PLEKHM1: variants seen among roughly 807,000 people sequenced by gnomAD.
The protein encoded by PLEKHM1 is pleckstrin homology and RUN domain containing M1, also known as pleckstrin homology domain-containing family M member 1.
In PLEKHM1, 28 loss-of-function variants were observed where a neutral mutation model predicts 94.3. The ratio of observed to expected loss-of-function variants is 0.30; its 90% CI spans 0.22 to 0.41. The LOEUF is 0.41. Among genes scored for constraint, PLEKHM1 ranks in the 10% least tolerant of loss-of-function variants. The pLI, the probability that PLEKHM1 is intolerant of heterozygous loss-of-function variation, is 1.00. For missense variants in PLEKHM1, 907 were observed against 1,358.6 expected, an observed-to-expected ratio of 0.67 and a Z score of 5.22; for synonymous variants, 424 against 581.2, an observed-to-expected ratio of 0.73 and a Z score of 3.89.
intron 10 of PLEKHM1, 134 bp from the exon 11 acceptor site, chr17:45,439,768 CG>C (rs1256324654): frequency 2.5e-5 from 29 of 1,154,594 alleles, no homozygotes; most frequent in Admixed American, 3.8e-5. Context: ...TTCTACCCCC[CG>C]TTTCCACACG....
At chr17:45,458,093 C>G in intron 6 of PLEKHM1, 76 bp downstream of exon 6, 1 of 1,240,710 alleles carries the variant, frequency 8.1e-7, no homozygotes. Flanking sequence ...CAATGGAAAA[C>G]AGAACTTCAC....
intron 5 of PLEKHM1, among the ~76,000 whole-genome samples, chr17:45,458,916 T>C (rs1231664342): frequency 6.6e-6 from 1 of 151,524 alleles, no homozygotes; most frequent in Non-Finnish European, 1.5e-5. Flanking sequence ...GAGGATCACC[T>C]GAGCCCAGGA....
intron 2 of PLEKHM1, among the ~76,000 whole-genome samples, chr17:45,481,997 G>A (rs2051968695): frequency 6.6e-6 from 1 of 152,044 alleles, no homozygotes; most frequent in Non-Finnish European, 1.5e-5. Context: ...GTCCTAGGGG[G>A]CTCCAGTGAA....
At chr17:45,451,434 T>C (rs926546890) in intron 7 of PLEKHM1, among the ~76,000 whole-genome samples, 5 of 152,258 alleles carry the variant, frequency 3.3e-5, no homozygotes, top group African/African-American at 1.2e-4. Flanking sequence ...ACTCAAACCC[T>C]GAACATGTGC....
intron 6 of PLEKHM1, among the ~76,000 whole-genome samples, chr17:45,455,257 G>A (rs1277276032): frequency 6.6e-6 from 1 of 152,062 alleles, no homozygotes; most frequent in African/African-American, 2.4e-5. Context: ...CCTCCTCGTT[G>A]CCAAACCCCA....
intron 4 of PLEKHM1, among the ~76,000 whole-genome samples, chr17:45,472,738 C>T (rs961285590): frequency 6.6e-6 from 1 of 152,306 alleles, no homozygotes; most frequent in African/African-American, 2.4e-5. Flanking sequence ...GTTTGACTAA[C>T]AAACAATGTG....
At chr17:45,489,489 C>T (rs886179479) in intron 1 of PLEKHM1, among the ~76,000 whole-genome samples, 12 of 152,124 alleles carry the variant, frequency 7.9e-5, no homozygotes, top group African/African-American at 1.7e-4. Flanking sequence ...AGTGAGTGGC[C>T]GTCTCTCACC....
chr17:45,461,488 T>C (rs2145253486), intron 5 of PLEKHM1, among the ~76,000 whole-genome samples: 1 of 152,378 alleles, frequency 6.6e-6, no homozygotes, highest in South Asian at 2.1e-4. Flanking sequence ...GATTTACTTC[T>C]GTGTTTTCTG....
At chr17:45,451,898 G>A (rs886669707) in intron 7 of PLEKHM1, among the ~76,000 whole-genome samples, 6 of 152,264 alleles carry the variant, frequency 3.9e-5, no homozygotes, top group Non-Finnish European at 7.3e-5. Context: ...GCTGGGGCAG[G>A]CGGGGGAGAG....
chr17:45,461,055 TG>T (rs1310800733), intron 5 of PLEKHM1, among the ~76,000 whole-genome samples: 1 of 152,060 alleles, frequency 6.6e-6, no homozygotes, highest in Non-Finnish European at 1.5e-5. Context: ...TGGCTAATTT[TG>T]TTTTGTATTT....
At chr17:45,468,112 G>A (rs1229172028) in intron 5 of PLEKHM1, 97 bp downstream of exon 5, 6 of 1,507,158 alleles carry the variant, frequency 4.0e-6, no homozygotes, top group Non-Finnish European at 9.2e-7. Flanking sequence ...AAGGCTAACA[G>A]GGAAAAGGCA....
Position 45,468,391 on chromosome 17 carries a change from G to A in PLEKHM1, c.1126C>T (p.Pro376Ser), listed in dbSNP as rs563327660. Residue 376 changes from proline (P) to serine (S), a missense_variant, in exon 5 of 12, where the codon CCG (proline) becomes TCG (serine). Transcript: ENST00000430334. ...GTQDGVHVQE[P>S]RPQAPSPLDL... ...AGGGGGCTGGGCGCCTGGGGACGCG[G>A]CTCCTGCACGTGGACACCATCTTGA... 6.2e-7 allele frequency: 1 copy of A among 1,614,210 alleles called. No homozygotes were observed. The highest frequency in any genetic ancestry group is 8.5e-7 in the Non-Finnish European group (1 of 1,180,042).
chr17:45,436,630 G>C lies in PLEKHM1; in HGVS notation c.*1228C>G, dbSNP rs1297115311. ...ACCCACATTTCCCCGAAGCCTGGAGGGTCTGACCATCACTTTGAAAACAAT... is the reference window on the plus strand; with the variant it reads ...ACCCACATTTCCCCGAAGCCTGGAGCGTCTGACCATCACTTTGAAAACAAT... On this transcript the variant is annotated 3_prime_UTR_variant, in exon 12 of 12. Transcript: ENST00000430334. 5 of 453,986 alleles carry C rather than the reference G, an allele frequency of 1.1e-5. No homozygotes were observed. The highest frequency in any genetic ancestry group is 7.1e-5 in the Admixed American group (3 of 42,550). 28.1% of individuals were successfully genotyped at this position (453,986 alleles called of 1,614,324 possible). A position where few individuals can be genotyped will look rare whatever the true frequency, so the allele number is the denominator to read the frequency against.
chr17:45,445,227 C>T lies in PLEKHM1; in HGVS notation c.2837+243G>A, dbSNP rs552984511. 3.9e-5 allele frequency among the ~76,000 whole-genome samples: 6 copies of T among 152,364 alleles called. No homozygotes were observed. Among genetic ancestry groups the T allele is most frequent in the South Asian group, 4.1e-4 (2 of 4,834 alleles). ...TCTGCCCAGGTTTCCTCCAGGTGGA[C>T]GCCTTGCCCTGGGCACTGCCCCTGT... On this transcript the variant is annotated intron_variant, in intron 9 of 11. Transcript: ENST00000430334. The surrounding 1 kb of genome is among the most constrained non-coding windows in gnomAD (Gnocchi z 4.2).
At chr17:45,486,086 G>A (rs2052106099) in intron 1 of PLEKHM1, among the ~76,000 whole-genome samples, 1 of 145,692 alleles carries the variant, frequency 6.9e-6, no homozygotes, top group Non-Finnish European at 1.5e-5. Context: ...GTGCAGTGGT[G>A]AGCGCCTGTA....
intron 9 of PLEKHM1, among the ~76,000 whole-genome samples, chr17:45,441,459 G>A (rs2050444182): frequency 6.6e-6 from 1 of 152,188 alleles, no homozygotes; most frequent in Non-Finnish European, 1.5e-5. Flanking sequence ...ACTCTAGGAA[G>A]GGAAGCTGCC....
At chr17:45,486,265 T>C (rs930930379) in intron 1 of PLEKHM1, among the ~76,000 whole-genome samples, 2 of 146,330 alleles carry the variant, frequency 1.4e-5, no homozygotes, top group African/African-American at 2.5e-5. Flanking sequence ...TAATAATTTA[T>C]GTCTCAAATA....
At chr17:45,469,351 A>G (rs2684539) in intron 4 of PLEKHM1, among the ~76,000 whole-genome samples, 1 of 152,190 alleles carries the variant, frequency 6.6e-6, no homozygotes, top group South Asian at 2.1e-4. Context: ...GTACACGTGC[A>G]TGCACACCAC....
At chr17:45,450,358 T>A (rs1329145515) in intron 8 of PLEKHM1, among the ~76,000 whole-genome samples, 2 of 152,232 alleles carry the variant, frequency 1.3e-5, no homozygotes, top group Non-Finnish European at 2.9e-5. Flanking sequence ...AGCAGTTATG[T>A]TTGTAGCTGC....
Sources: allele counts gnomAD v4.1 joint callset (sites outside exome capture counted in the v4.1 genomes callset), GRCh38; gene constraint gnomAD v4.1.1; non-coding constraint Gnocchi (gnomAD v3.1); transcripts MANE v1.5; gene names NCBI Gene and HGNC (gene_info 2026-07-23, HGNC 2026-07-21).